The following TTC6 variants were observed in gnomAD, a reference collection of about 807,000 sequenced individuals.
TTC6 encodes the protein tetratricopeptide repeat protein 6.
Under a neutral mutation model 210.4 loss-of-function variants are expected in TTC6, and 172 were observed. The observed-to-expected ratio is 0.82, with a 90% confidence interval of 0.72 to 0.93. The LOEUF (loss-of-function observed/expected upper bound fraction) is 0.93. TTC6 is among the 40% of genes least tolerant of loss of function. The pLI, the probability that TTC6 is intolerant of heterozygous loss-of-function variation, is 0.00. For synonymous variants in TTC6, 804 were observed against 819.6 expected, an observed-to-expected ratio of 0.98 and a Z score of 0.32; for missense variants, 2,414 against 2,318.1, an observed-to-expected ratio of 1.04 and a Z score of -0.85.
At chr14:37,806,816 T>G (rs570304346) in intron 22 of TTC6, among the ~76,000 whole-genome samples, 1 of 152,342 alleles carries the variant, frequency 6.6e-6, no homozygotes, top group East Asian at 1.9e-4. Context: ...TGATGTTACA[T>G]AGATTCCTGC....
At chr14:37,604,619 T>C (rs1202688023) in intron 1 of TTC6, among the ~76,000 whole-genome samples, 1 of 151,972 alleles carries the variant, frequency 6.6e-6, no homozygotes, top group Non-Finnish European at 1.5e-5. Context: ...GCCCTGGCTA[T>C]GTGTACCTCA....
chr14:37,835,290 AT>A (rs2096195184), intron 29 of TTC6, among the ~76,000 whole-genome samples: 2 of 152,058 alleles, frequency 1.3e-5, no homozygotes, highest in Admixed American at 6.5e-5. Context: ...TTTCCTGGTG[AT>A]TTTTTTAATT....
chr14:37,676,968 T>C (rs1430952265), intron 1 of TTC6, among the ~76,000 whole-genome samples: 1 of 152,098 alleles, frequency 6.6e-6, no homozygotes, highest in Non-Finnish European at 1.5e-5. Context: ...TGTAGTTTGA[T>C]AGTAAATTTT....
intron 3 of TTC6, among the ~76,000 whole-genome samples, chr14:37,695,723 G>A (rs1005297916): frequency 6.6e-6 from 1 of 151,988 alleles, no homozygotes; most frequent in Admixed American, 6.6e-5. Flanking sequence ...GTAACACAAA[G>A]GAAAAATGCT....
At chr14:37,678,952 C>A (rs1436359989) in intron 1 of TTC6, among the ~76,000 whole-genome samples, 1 of 152,110 alleles carries the variant, frequency 6.6e-6, no homozygotes, top group African/African-American at 2.4e-5. Context: ...GGCACAGTGT[C>A]TCATGCCTGT....
intron 1 of TTC6, among the ~76,000 whole-genome samples, chr14:37,605,398 T>C (rs553059317): frequency 2.0e-5 from 3 of 152,300 alleles, no homozygotes; most frequent in African/African-American, 4.8e-5. Context: ...AAATAAAATA[T>C]ATCCTTCACT....
At chr14:37,611,761 T>A (rs2095634984) in intron 2 of TTC6, among the ~76,000 whole-genome samples, 1 of 152,126 alleles carries the variant, frequency 6.6e-6, no homozygotes, top group Non-Finnish European at 1.5e-5. Flanking sequence ...CTGCTGTCCC[T>A]TTACAGGGCA....
Position 37,696,718 on chromosome 14 carries a change from CA to C in TTC6, c.1263del (p.Lys421AsnfsTer22). ...AGCACACTTTATATTTTCTTAAAGG[CA>C]AAATCACCAGAATTCTTGCAAATCG... On this transcript the variant is annotated frameshift_variant and splice_region_variant, in exon 4 of 31. Coordinates refer to ENST00000553443, the Ensembl canonical transcript of TTC6. LOFTEE classifies it high-confidence loss of function. 1 of 1,431,982 alleles carries C rather than the reference CA, an allele frequency of 7.0e-7. No homozygotes were observed. The highest frequency in any genetic ancestry group is 1.5e-5 in the African/African-American group (1 of 68,836). The allele number at this position is 1,431,982 out of a possible 1,614,324, so 88.7% of individuals were successfully genotyped here. A position where few individuals can be genotyped will look rare whatever the true frequency, so the allele number is the denominator to read the frequency against.
chr14:37,666,337 G>A (rs1435482632), intron 1 of TTC6, among the ~76,000 whole-genome samples: 1 of 149,614 alleles, frequency 6.7e-6, no homozygotes, highest in African/African-American at 2.4e-5. Context: ...AAAGTGGCCA[G>A]GCTCAGTGGC....
intron 1 of TTC6, among the ~76,000 whole-genome samples, chr14:37,672,239 A>T (rs1362370236): frequency 1.3e-5 from 2 of 152,080 alleles, no homozygotes; most frequent in Non-Finnish European, 1.5e-5. Context: ...TTGACCCAGA[A>T]CCCAGCTCTT....
intron 1 of TTC6, among the ~76,000 whole-genome samples, chr14:37,642,090 A>G (rs1464938123): frequency 1.3e-5 from 2 of 152,226 alleles, no homozygotes; most frequent in Admixed American, 6.5e-5. Context: ...ATGCTCAGGT[A>G]TCCAGAATTC....
At chr14:37,617,586 C>A (rs2095644828), upstream of TTC6, among the ~76,000 whole-genome samples, 1 of 152,036 alleles carries the variant, frequency 6.6e-6, no homozygotes, top group Admixed American at 6.6e-5. Context: ...CACTGTTTTC[C>A]CATTCTCTTA....
At chr14:37,778,059 A>T (rs2096043332) in intron 14 of TTC6, among the ~76,000 whole-genome samples, 1 of 152,120 alleles carries the variant, frequency 6.6e-6, no homozygotes, top group African/African-American at 2.4e-5. Flanking sequence ...AATGTGCTTC[A>T]TTGGGTGGTG....
At chr14:37,739,135 G>C (rs1285352474) in exon 10 of TTC6, 1 of 1,510,402 alleles carries the variant, frequency 6.6e-7, no homozygotes, top group African/African-American at 1.4e-5. Flanking sequence ...AGTTATCCAA[G>C]CCTCCAAAAT....
chr14:37,682,785 A>G, exon 3 of TTC6: 1 of 1,535,612 alleles, frequency 6.5e-7, no homozygotes, highest in Non-Finnish European at 8.7e-7. Context: ...TTCTGAAACC[A>G]TGTCAAGTAT....
chr14:37,767,326 G>C (rs1339556012), intron 14 of TTC6, among the ~76,000 whole-genome samples: 1 of 152,106 alleles, frequency 6.6e-6, no homozygotes, highest in Non-Finnish European at 1.5e-5. Context: ...GTAATGGGAT[G>C]GCTGGGTCAA....
chr14:37,734,362 C>T (rs1470507622), intron 7 of TTC6, among the ~76,000 whole-genome samples: 1 of 152,056 alleles, frequency 6.6e-6, no homozygotes, highest in Non-Finnish European at 1.5e-5. Context: ...TTTTTGTCAC[C>T]CTTGCCCCAA....
At chr14:37,751,629 G>T (rs2095952252) in intron 13 of TTC6, among the ~76,000 whole-genome samples, 1 of 152,032 alleles carries the variant, frequency 6.6e-6, no homozygotes, top group African/African-American at 2.4e-5. Context: ...GAACCTATCT[G>T]CTCTCAAAGA....
At chr14:37,795,233 G>A (rs1196956565) in intron 17 of TTC6, 37 bp from the exon 20 acceptor site, 2 of 1,411,730 alleles carry the variant, frequency 1.4e-6, no homozygotes, top group Non-Finnish European at 1.9e-6. Flanking sequence ...AGCAATCGAT[G>A]TTATTAGGAG....
Sources: gnomAD v4.1 joint callset for allele counts (sites outside exome capture counted in the v4.1 genomes callset) on GRCh38, gnomAD v4.1.1 for gene constraint, MANE v1.5 for transcripts, NCBI Gene and HGNC (gene_info 2026-07-23, HGNC 2026-07-21) for gene names.